NOX4: variants seen among roughly 807,000 people sequenced by gnomAD.
NOX4 encodes the protein NADPH oxidase 4, also known as kidney oxidase-1.
A neutral mutation model predicts 87.6 loss-of-function variants in NOX4; 69 were observed. The observed-to-expected ratio is 0.79, with a 90% CI of 0.65 to 0.96. The LOEUF is 0.96. Among genes scored for constraint, NOX4 ranks in the 40% least tolerant of loss-of-function variants. The probability of loss-of-function intolerance (pLI) is 0.00; values close to 1 mark genes in which losing one functional copy is unlikely to be tolerated. For missense variants in NOX4, 680 were observed against 681.5 expected (o/e 1.00, Z 0.02); for synonymous variants, 275 against 238.2 (o/e 1.15, Z -1.42).
At chr11:89,449,868 T>C (rs1944878173) in intron 3 of NOX4, among the ~76,000 whole-genome samples, 1 of 152,158 alleles carries the variant, frequency 6.6e-6, no homozygotes, top group Non-Finnish European at 1.5e-5. Flanking sequence ...TCATCAGTGG[T>C]TGTTCTGGCA....
intron 8 of NOX4, among the ~76,000 whole-genome samples, chr11:89,406,550 A>T (rs1259818510): frequency 6.6e-6 from 1 of 152,174 alleles, no homozygotes; most frequent in Admixed American, 6.6e-5. Flanking sequence ...GAATCTTATT[A>T]GTTTCAATAT....
chr11:89,447,567 A>G (rs1433388151), intron 4 of NOX4, among the ~76,000 whole-genome samples: 2 of 152,148 alleles, frequency 1.3e-5, no homozygotes, highest in African/African-American at 4.8e-5. Context: ...AGACAAGAAA[A>G]CTGAAGTTAA....
At chr11:89,329,117 T>G (rs1945342987) in intron 17 of NOX4, among the ~76,000 whole-genome samples, 1 of 151,642 alleles carries the variant, frequency 6.6e-6, no homozygotes, top group Admixed American at 6.6e-5. Context: ...ACAGACGTGG[T>G]CATTGAAGCA....
chr11:89,480,405 C>A (rs548024876), intron 2 of NOX4, among the ~76,000 whole-genome samples: 1 of 152,216 alleles, frequency 6.6e-6, no homozygotes, highest in East Asian at 1.9e-4. Context: ...ATCTGTGAAA[C>A]TTAATTCTTC....
intron 11 of NOX4, among the ~76,000 whole-genome samples, chr11:89,387,903 T>C (rs1940827989): frequency 6.6e-6 from 1 of 152,144 alleles, no homozygotes; most frequent in Non-Finnish European, 1.5e-5. Context: ...AGACATCCAT[T>C]ACATACTTGA....
chr11:89,517,314 G>A, the NOX4 span, among the ~76,000 whole-genome samples: 1 of 151,984 alleles, frequency 6.6e-6, no homozygotes, highest in Admixed American at 6.6e-5. Flanking sequence ...GAGTTTTTAA[G>A]TTCATCAAGT....
chr11:89,487,918 C>G (rs1946695620), intron 2 of NOX4, among the ~76,000 whole-genome samples: 1 of 152,102 alleles, frequency 6.6e-6, no homozygotes, highest in Non-Finnish European at 1.5e-5. Context: ...AAATTAAACA[C>G]TACTTCATAG....
At position 89,343,936 on chromosome 11, in the gene NOX4, G is replaced by C. The variant is rs574371838; in HGVS notation, c.1218-1743C>G. On this transcript the variant is annotated intron_variant, in intron 13 of 17. Coordinates refer to ENST00000263317, the MANE Select transcript of NOX4 (RefSeq NM_016931.5). ...TATATAAACATTTTTTGACATTTAAGTTTTTCCTTTGAAAGTAGAATTTAT... is the reference window on the plus strand; with the variant it reads ...TATATAAACATTTTTTGACATTTAACTTTTTCCTTTGAAAGTAGAATTTAT... Among the ~76,000 whole-genome samples, 6 of 151,786 alleles carry C rather than the reference G, an allele frequency of 4.0e-5. No individual in the cohort carries two copies. In the East Asian group the frequency reaches 1.2e-3, roughly 29 times the overall value.
chr11:89,439,712 A>G (rs532701980), intron 6 of NOX4, among the ~76,000 whole-genome samples: 97 of 152,256 alleles, frequency 6.4e-4, no homozygotes, highest in African/African-American at 2.0e-3. Flanking sequence ...TTATAAATCT[A>G]AGGTTGGGAA....
chr11:89,395,543 T>C (rs1941427614), intron 11 of NOX4, among the ~76,000 whole-genome samples: 1 of 152,134 alleles, frequency 6.6e-6, no homozygotes, highest in Admixed American at 6.6e-5. Flanking sequence ...TTTTTTTGCT[T>C]TGGCTTTTGC....
chr11:89,556,047 A>G, the NOX4 span, among the ~76,000 whole-genome samples: 112 of 152,286 alleles, frequency 7.4e-4, no homozygotes, highest in African/African-American at 2.6e-3. Context: ...GCATTGAAAT[A>G]CAGACAATTT....
chr11:89,532,140 C>T, the NOX4 span, among the ~76,000 whole-genome samples: 3 of 152,310 alleles, frequency 2.0e-5, no homozygotes, highest in Admixed American at 1.3e-4. Context: ...CAAAAGTCCC[C>T]ACTGGGGCAC....
chr11:89,355,295 T>C (rs1238290882), intron 12 of NOX4, among the ~76,000 whole-genome samples: 1 of 148,066 alleles, frequency 6.8e-6, no homozygotes, highest in Non-Finnish European at 1.5e-5. Context: ...TAAGGATAAA[T>C]AGGTATAAAT....
At chr11:89,331,708 A>G (rs1945480276) in intron 17 of NOX4, among the ~76,000 whole-genome samples, 1 of 151,652 alleles carries the variant, frequency 6.6e-6, no homozygotes, top group Non-Finnish European at 1.5e-5. Flanking sequence ...TAAATACTTG[A>G]TAATAAAATC....
intron 5 of NOX4, chr11:89,443,551 G>C (rs319029): frequency 0.64 from 97,166 of 152,968 alleles, 32,576 homozygotes; most frequent in African/African-American, 0.86. Context: ...CAGGCTCTGG[G>C]CTGCACCTTG....
the NOX4 span, among the ~76,000 whole-genome samples, chr11:89,554,178 CTT>C: frequency 2.6e-5 from 4 of 151,586 alleles, no homozygotes; most frequent in Non-Finnish European, 5.9e-5. Context: ...AGGGGAATCT[CTT>C]ATTTTCATAA....
At chr11:89,587,166 T>A in the NOX4 span, among the ~76,000 whole-genome samples, 1 of 151,992 alleles carries the variant, frequency 6.6e-6, no homozygotes, top group African/African-American at 2.4e-5. Flanking sequence ...AAAGAATGAA[T>A]TCAAGACAAA....
At chr11:89,498,857 A>G (rs1051019193), upstream of NOX4, 5 of 152,342 alleles carry the variant, frequency 3.3e-5, no homozygotes, top group Non-Finnish European at 7.3e-5. Flanking sequence ...CTTGCAAAGC[A>G]CCAATAGCTG....
At chr11:89,380,803 C>T (rs1304807469) in intron 11 of NOX4, among the ~76,000 whole-genome samples, 1 of 152,090 alleles carries the variant, frequency 6.6e-6, no homozygotes, top group Non-Finnish European at 1.5e-5. Context: ...GAAATTTTCA[C>T]CACTTTGCTT....
Sources: allele counts gnomAD v4.1 joint callset (sites outside exome capture counted in the v4.1 genomes callset), GRCh38; gene constraint gnomAD v4.1.1; transcripts MANE v1.5; gene names NCBI Gene and HGNC (gene_info 2026-07-23, HGNC 2026-07-21).